Variants in DOP1B observed in about 807,000 individuals in gnomAD.
DOP1B encodes DOP1 leucine zipper like protein B.
In DOP1B, 174 loss-of-function variants were observed where a neutral mutation model predicts 233.5. The observed-to-expected ratio is 0.75, with a 90% CI of 0.66 to 0.85. The LOEUF (loss-of-function observed/expected upper bound fraction) is 0.85, where lower values mean the gene tolerates loss of function less well. DOP1B is among the 40% of genes least tolerant of loss of function. The probability of loss-of-function intolerance (pLI) is 0.00; values close to 1 mark genes in which losing one functional copy is unlikely to be tolerated. For synonymous variants in DOP1B, 1,190 were observed against 1,185.6 expected, an observed-to-expected ratio of 1.00 and a Z score of -0.08; for missense variants, 2,652 against 2,846.6, an observed-to-expected ratio of 0.93 and a Z score of 1.56.
At chr21:36,184,264 G>A (rs528926182) in intron 2 of DOP1B, among the ~76,000 whole-genome samples, 14 of 152,134 alleles carry the variant, frequency 9.2e-5, no homozygotes, top group African/African-American at 3.1e-4. Flanking sequence ...GGTCAGGCTG[G>A]TCTCAAACTC....
intron 23 of DOP1B, 151 bp downstream of exon 23, chr21:36,254,060 GC>G (rs1193466563): frequency 6.6e-6 from 7 of 1,066,146 alleles, no homozygotes; most frequent in Non-Finnish European, 9.2e-6. Flanking sequence ...GGTGCTGTTT[GC>G]TGTGCTTTGG....
rs369966468 is a variant in DOP1B at position 36,228,504 on chromosome 21, C to T, written c.1665+627C>T. 2.0e-4 allele frequency among the ~76,000 whole-genome samples: 31 copies of T among 152,058 alleles called. No individual in the cohort carries two copies. In the East Asian group the frequency reaches 5.4e-3, roughly 27 times the overall value. ...AATAAGGGCTGGGCGCGGTGGCTCACGCCTGTAATCCCAGCACTTTGGGAG... is the reference window on the plus strand; with the variant it reads ...AATAAGGGCTGGGCGCGGTGGCTCATGCCTGTAATCCCAGCACTTTGGGAG... On this transcript the variant is annotated intron_variant, in intron 13 of 36. Transcript: ENST00000691173.
chr21:36,261,022 A>G lies in DOP1B; in HGVS notation c.5315+290A>G, dbSNP rs2067163566. 3 of 1,136,962 alleles carry G rather than the reference A, an allele frequency of 2.6e-6. No individual in the cohort carries two copies. The African/African-American group carries it at 4.9e-5, about 18-fold the overall frequency. The allele number at this position is 1,136,962 out of a possible 1,614,324, so 70.4% of individuals were successfully genotyped here. A position where few individuals can be genotyped will look rare whatever the true frequency, so the allele number is the denominator to read the frequency against. ...TTGGATTTGCATTAAATTGATACAG[A>G]AAAAGAAAAAAACCACATATAGGGA... is the stretch of plus-strand genomic sequence containing the variant. On this transcript the variant is annotated intron_variant, in intron 24 of 36. Transcript: ENST00000691173.
At chr21:36,280,159 G>A (rs367958215) in intron 30 of DOP1B, 126 bp from the exon 31 acceptor site, 13 of 638,410 alleles carry the variant, frequency 2.0e-5, no homozygotes, top group African/African-American at 1.7e-4. Context: ...ATAGGCGTGA[G>A]CCACTGCACC....
intron 22 of DOP1B, among the ~76,000 whole-genome samples, chr21:36,253,484 C>T (rs1206170733): frequency 2.0e-5 from 3 of 152,072 alleles, no homozygotes; most frequent in African/African-American, 7.2e-5. Context: ...AAGACCGAGG[C>T]GGGCAGATCA....
At position 36,292,117 on chromosome 21, in the gene DOP1B, T is replaced by C; in HGVS notation, c.6529T>C (p.Phe2177Leu). 6.2e-7 allele frequency: 1 copy of C among 1,602,420 alleles called. No individual in the cohort carries two copies. The highest frequency in any genetic ancestry group is 8.5e-7 in the Non-Finnish European group (1 of 1,176,836). Residue 2177 changes from phenylalanine (F) to leucine (L), a missense_variant, in exon 36 of 37, where the codon TTT (phenylalanine) becomes CTT (leucine). Phe to Leu is a conservative substitution (Grantham distance 22). Transcript: ENST00000691173. ...MPLFQIYRWA[F>L]IPEVDTEGPA... Reference sequence around the variant, plus strand: ...TGTTCCCTGCAGTTATAGGTGGGCATTTATTCCAGAAGTGGACACAGAGGG... The same window carrying C: ...TGTTCCCTGCAGTTATAGGTGGGCACTTATTCCAGAAGTGGACACAGAGGG...
At chr21:36,261,190 C>T (rs1047298400) in intron 24 of DOP1B, 52 of 863,038 alleles carry the variant, frequency 6.0e-5, no homozygotes, top group Non-Finnish European at 7.2e-5. Flanking sequence ...CATGGTGAAA[C>T]CCTATCTCTA....
At chr21:36,171,816 A>G (rs1048832119) in intron 2 of DOP1B, among the ~76,000 whole-genome samples, 2 of 152,200 alleles carry the variant, frequency 1.3e-5, no homozygotes, top group African/African-American at 4.8e-5. Context: ...CAGTGGTAGG[A>G]CAAGATCTGT....
At chr21:36,228,493 G>A (rs955851231) in intron 13 of DOP1B, among the ~76,000 whole-genome samples, 4 of 151,684 alleles carry the variant, frequency 2.6e-5, no homozygotes, top group South Asian at 2.1e-4. Context: ...AGGGCTGGGC[G>A]CGGTGGCTCA....
intron 2 of DOP1B, among the ~76,000 whole-genome samples, chr21:36,189,380 A>C (rs1360700428): frequency 6.6e-6 from 1 of 152,230 alleles, no homozygotes; most frequent in Non-Finnish European, 1.5e-5. Flanking sequence ...GAAATAAATA[A>C]GAAAGTTTAA....
At chr21:36,237,213 T>A in intron 15 of DOP1B, 49 bp from the exon 16 acceptor site, 1 of 1,612,416 alleles carries the variant, frequency 6.2e-7, no homozygotes, top group Non-Finnish European at 8.5e-7. Flanking sequence ...TGAGCGGATG[T>A]TGCCTGTGTT....
intron 35 of DOP1B, among the ~76,000 whole-genome samples, chr21:36,290,103 C>T (rs1373035729): frequency 6.6e-6 from 1 of 152,116 alleles, no homozygotes; most frequent in Non-Finnish European, 1.5e-5. Context: ...ATGTACCACT[C>T]TGGTGCAGGA....
intron 12 of DOP1B, 127 bp downstream of exon 12, chr21:36,225,794 G>A (rs960607176): frequency 9.5e-6 from 9 of 946,828 alleles, no homozygotes; most frequent in African/African-American, 6.6e-5. Context: ...CTGTTTTGAT[G>A]TTTGTTTTGG....
chr21:36,288,868 C>A, intron 34 of DOP1B, 57 bp downstream of exon 34: 1 of 1,499,328 alleles, frequency 6.7e-7, no homozygotes. Context: ...TAAAGCACGT[C>A]ACTTTAGATA....
chr21:36,189,687 G>A (rs942848840), intron 2 of DOP1B, among the ~76,000 whole-genome samples: 1 of 151,596 alleles, frequency 6.6e-6, no homozygotes. Context: ...TCCAGCCTGG[G>A]TGACAGAGCG....
intron 4 of DOP1B, among the ~76,000 whole-genome samples, chr21:36,208,321 A>G (rs1453977826): frequency 6.6e-6 from 1 of 152,182 alleles, no homozygotes; most frequent in East Asian, 1.9e-4. Flanking sequence ...TGATACACCA[A>G]TGGCTCCTTC....
Position 36,293,481 on chromosome 21 carries a change from C to G in DOP1B, c.6807C>G (p.Phe2269Leu), listed in dbSNP as rs1349994812. 5 of 1,614,060 alleles carry G rather than the reference C, an allele frequency of 3.1e-6. No homozygotes were observed. The highest frequency in any genetic ancestry group is 1.6e-4 in the Middle Eastern group (1 of 6,084). Residue 2269 changes from phenylalanine (F) to leucine (L), a missense_variant, in exon 37 of 37, where the codon TTC (phenylalanine) becomes TTG (leucine). Phe to Leu is a conservative substitution (Grantham distance 22). This residue lies in a region of DOP1B where 31 missense variants were observed against 34.2 expected (regional missense o/e 0.91). Transcript: ENST00000691173. ...CTGCTGATAGCCCAGGAACTCCATT[C>G]TTGGACTTTCCTGTCACAGATAGCC... is the stretch of plus-strand genomic sequence containing the variant. ...QLPADSPGTP[F>L]LDFPVTDSPR... is the part of the protein sequence containing the mutation.
intron 10 of DOP1B, among the ~76,000 whole-genome samples, chr21:36,221,797 C>G (rs541001560): frequency 7.9e-5 from 12 of 152,208 alleles, no homozygotes; most frequent in Non-Finnish European, 1.5e-4. Flanking sequence ...AGGCTGGCCT[C>G]GAATTCCTGA....
At position 36,240,074 on chromosome 21, in the gene DOP1B, T is replaced by C. The variant is rs2066875958; in HGVS notation, c.3067+119T>C. On this transcript the variant is annotated intron_variant, in intron 18 of 36. Coordinates refer to ENST00000691173, the MANE Select transcript of DOP1B (RefSeq NM_001320714.2). ...GGGTTTTGTTAGATGCAAATGGTAC[T>C]TTGTAAATTGTGAGGACTTCGGCAA... 3 of 1,209,106 alleles carry C rather than the reference T, an allele frequency of 2.5e-6. No individual in the cohort carries two copies. The African/African-American group carries it at 4.6e-5, about 19-fold the overall frequency. 74.9% of individuals were successfully genotyped at this position (1,209,106 alleles called of 1,614,324 possible). A position where few individuals can be genotyped will look rare whatever the true frequency, so the allele number is the denominator to read the frequency against.
Sources: gnomAD v4.1 joint callset for allele counts (sites outside exome capture counted in the v4.1 genomes callset) on GRCh38, gnomAD v4.1.1 for gene constraint, gnomAD v4.1.1 regional missense constraint, MANE v1.5 for transcripts, NCBI Gene and HGNC (gene_info 2026-07-23, HGNC 2026-07-21) for gene names.